ZNF85: variants seen among roughly 807,000 people sequenced by gnomAD.
ZNF85 encodes the protein zinc finger protein 85 (HPF4, HTF1).
Under a neutral mutation model 53.9 loss-of-function variants are expected in ZNF85, and 50 were observed. The ratio of observed to expected loss-of-function variants is 0.93; its 90% CI spans 0.74 to 1.17. The LOEUF (loss-of-function observed/expected upper bound fraction) is 1.17. Ranked by LOEUF, ZNF85 falls within the 50% of genes most tolerant of loss-of-function variation. The pLI is 0.00. For missense variants in ZNF85, 747 were observed against 688.5 expected, an observed-to-expected ratio of 1.08 and a Z score of -0.95; for synonymous variants, 225 against 226.1, an observed-to-expected ratio of 1.00 and a Z score of 0.04.
Position 20,934,992 on chromosome 19 carries a change from A to G in ZNF85, c.174A>G (p.Gln58=). The G allele has an allele frequency of 6.2e-7, 1 of 1,611,664 alleles. No individual in the cohort carries two copies. The highest frequency in any genetic ancestry group is 1.1e-5 in the South Asian group (1 of 90,530). The part of the protein sequence containing the change: ...SKPDLITCLE[Q]GKEAWSMKRH... The stretch of plus-strand genomic sequence containing the variant: ...CAGACCTGATCACTTGTCTGGAGCA[A>G]GGGAAAGAGGCCTGGAGTATGAAGA... Residue 58 remains glutamine (Q), a synonymous_variant, in exon 3 of 4, where the codon CAA becomes CAG. Transcript: ENST00000328178.
Position 20,938,880 on chromosome 19 carries a change from ATATATG to A in ZNF85, c.229+3835_229+3840del, listed in dbSNP as rs1444214833. The stretch of plus-strand genomic sequence containing the variant: ...TGTGTGTGTGTGTGTGTGTGTGTAT[ATATATG>A]TGTGTGTGTGTGTGTGTATTTTATT... On this transcript the variant is annotated intron_variant, in intron 3 of 3. Transcript: ENST00000328178. Among the ~76,000 whole-genome samples the A allele has an allele frequency of 1.1e-4, 14 of 132,970 alleles. No homozygotes were observed. In the South Asian group the frequency reaches 2.0e-3, roughly 19 times the overall value. The allele number at this position is 132,970 out of a possible 152,430, so 87.2% of individuals were successfully genotyped here.
At position 20,923,337 on chromosome 19, in the gene ZNF85, C is replaced by T. The variant is rs537146330; in HGVS notation, c.-64C>T. 7.4e-6 allele frequency: 12 copies of T among 1,612,538 alleles called. No individual in the cohort carries two copies. The highest frequency in any genetic ancestry group is 1.7e-5 in the Admixed American group (1 of 59,986). ...CTCGTGGACGCCCAGCCTCTGTGGC[C>T]CTGTGGCCTGCAGGTATTGGGAGAT... On this transcript the variant is annotated 5_prime_UTR_variant, in exon 1 of 4. Coordinates refer to ENST00000328178, the MANE Select transcript of ZNF85 (RefSeq NM_003429.5).
intron 3 of ZNF85, among the ~76,000 whole-genome samples, chr19:20,935,299 C>T (rs1200106201): frequency 2.6e-5 from 4 of 152,110 alleles, no homozygotes; most frequent in Non-Finnish European, 5.9e-5. Flanking sequence ...AAGTCCTCTT[C>T]GTGGCATATA....
intron 3 of ZNF85, chr19:20,943,567 A>G (rs1973351797): frequency 6.6e-6 from 1 of 152,158 alleles, no homozygotes; most frequent in Non-Finnish European, 1.5e-5. Context: ...CTTTTTATTT[A>G]TAAATTATCC....
At chr19:20,940,865 A>T (rs1308260164) in intron 3 of ZNF85, among the ~76,000 whole-genome samples, 1 of 152,206 alleles carries the variant, frequency 6.6e-6, no homozygotes, top group East Asian at 1.9e-4. Flanking sequence ...ATTTCATTAT[A>T]TGTATATGTT....
At chr19:20,927,087 T>A (rs1874921239) in intron 1 of ZNF85, 1 of 152,152 alleles carries the variant, frequency 6.6e-6, no homozygotes, top group Non-Finnish European at 1.5e-5. Flanking sequence ...AATGGGGTTG[T>A]ATGTTGACTC....
In ZNF85 at chr19:20,949,802, G is replaced by T; in HGVS notation, c.1288G>T (p.Glu430Ter). Residue 430 changes from glutamate (E) to a stop codon, truncating the protein, a stop_gained, in exon 4 of 4, where the codon GAA (glutamate) becomes TAA (stop). Transcript: ENST00000328178. LOFTEE classifies it high-confidence loss of function. ...TGGAGAGAAGCCTTACAAATGTAAAGAATGTGAAAAAGCTTTTAACCAATC... is the reference window on the plus strand; with the variant it reads ...TGGAGAGAAGCCTTACAAATGTAAATAATGTGAAAAAGCTTTTAACCAATC... ...HTGEKPYKCK[E>*]CEKAFNQSSK... 1 of 1,611,646 alleles carries T rather than the reference G, an allele frequency of 6.2e-7. No individual in the cohort carries two copies.
In ZNF85 at chr19:20,950,393, C is replaced by G. The variant is rs555745788; in HGVS notation, c.*91C>G. 2.1e-6 allele frequency: 2 copies of G among 940,166 alleles called. No individual in the cohort carries two copies. The highest frequency in any genetic ancestry group is 2.4e-5 in the South Asian group (1 of 42,464). The allele number at this position is 940,166 out of a possible 1,614,324, so 58.2% of individuals were successfully genotyped here. A position where few individuals can be genotyped will look rare whatever the true frequency, so the allele number is the denominator to read the frequency against. On this transcript the variant is annotated 3_prime_UTR_variant, in exon 4 of 4. Transcript: ENST00000328178. The stretch of plus-strand genomic sequence containing the variant: ...GAAACTACTAACCTGAAAGATGTGA[C>G]AATAATTTTGACAACACCTCAGACT...
At chr19:20,927,494 C>G (rs1364461142) in intron 1 of ZNF85, 1 of 144,738 alleles carries the variant, frequency 6.9e-6, no homozygotes, top group Admixed American at 6.8e-5. Flanking sequence ...AAGACAAATT[C>G]AGCTCATTTT....
At chr19:20,933,955 TTATGTGTGTGTGTG>T (rs1367469391) in intron 1 of ZNF85, 55 bp from the exon 2 acceptor site, 9 of 1,304,264 alleles carry the variant, frequency 6.9e-6, no homozygotes, top group African/African-American at 1.7e-5. Flanking sequence ...CAGTTGGTAA[TTATGTGTGTGTGTG>T]TGTGTGTGTG....
intron 1 of ZNF85, chr19:20,928,314 A>T (rs771090836): frequency 6.6e-6 from 1 of 152,234 alleles, no homozygotes; most frequent in East Asian, 1.9e-4. Context: ...AGCAAACTCT[A>T]TAGATTTGAT....
At position 20,949,066 on chromosome 19, in the gene ZNF85, C is replaced by A. The variant is rs769513308; in HGVS notation, c.552C>A (p.Gly184=). 2 of 1,613,784 alleles carry A rather than the reference C, an allele frequency of 1.2e-6. No individual in the cohort carries two copies. The highest frequency in any genetic ancestry group is 8.5e-7 in the Non-Finnish European group (1 of 1,179,788). Residue 184 remains glycine, a synonymous_variant, in exon 4 of 4, where the codon GGC becomes GGA. Coordinates refer to ENST00000328178, the MANE Select transcript of ZNF85 (RefSeq NM_003429.5). ...FKCTKCGKSF[G]MISCLTEHSR... is the part of the protein sequence containing the mutation. ...GTACAAAATGTGGCAAATCATTTGG[C>A]ATGATTTCATGCCTAACTGAACATA...
At chr19:20,946,962 T>TA (rs1973436738) in intron 3 of ZNF85, among the ~76,000 whole-genome samples, 1 of 150,562 alleles carries the variant, frequency 6.6e-6, no homozygotes, top group African/African-American at 2.4e-5. Flanking sequence ...GAAACAGACT[T>TA]ACAAATGTTA....
chr19:20,949,763 A>G lies in ZNF85; in HGVS notation c.1249A>G (p.Lys417Glu). 1 of 1,611,806 alleles carries G rather than the reference A, an allele frequency of 6.2e-7. No individual in the cohort carries two copies. The highest frequency in any genetic ancestry group is 8.5e-7 in the Non-Finnish European group (1 of 1,179,026). The part of the protein sequence containing the change: ...FKHSSTLTKH[K>E]IIHTGEKPYK... ...ACACTCTTCAACCCTTACTAAACAT[A>G]AGATAATTCATACTGGAGAGAAGCC... The change falls in exon 4 of 4, where the codon AAG becomes GAG. Residue 417 changes from lysine (K) to glutamate (E), a missense_variant. Lys to Glu is a moderately conservative substitution (Grantham distance 56). Coordinates refer to ENST00000328178, the MANE Select transcript of ZNF85 (RefSeq NM_003429.5).
chr19:20,942,689 A>T, intron 3 of ZNF85: 2 of 573,600 alleles, frequency 3.5e-6, no homozygotes, highest in Admixed American at 3.2e-5. Flanking sequence ...TGGATTTTCC[A>T]GTTTTGCTTT....
chr19:20,940,494 G>A (rs1973269894), intron 3 of ZNF85, among the ~76,000 whole-genome samples: 1 of 151,972 alleles, frequency 6.6e-6, no homozygotes, highest in Non-Finnish European at 1.5e-5. Flanking sequence ...CCATAATTGT[G>A]CCACTGCACT....
At chr19:20,931,562 GTTTGGA>G in intron 1 of ZNF85, among the ~76,000 whole-genome samples, 1 of 148,776 alleles carries the variant, frequency 6.7e-6, no homozygotes, top group East Asian at 2.0e-4. Flanking sequence ...GACTGTTTCT[GTTTGGA>G]TTTGGTAGGG....
rs777297228 is a variant in ZNF85, at chr19:20,949,499, C to G, written c.985C>G (p.Leu329Val). Residue 329 changes from leucine (L) to valine (V), a missense_variant, in exon 4 of 4, where the codon CTT becomes GTT. Transcript: ENST00000328178. ...CGKAFKQSSN[L>V]TTHKIIHTGE... ...CAAAGCCTTTAAGCAGTCCTCAAAC[C>G]TTACTACACATAAGATAATTCATAC... 3.1e-6 allele frequency: 5 copies of G among 1,613,280 alleles called. No homozygotes were observed. In the South Asian group the frequency reaches 4.4e-5, roughly 14 times the overall value.
intron 3 of ZNF85, among the ~76,000 whole-genome samples, chr19:20,947,822 G>A (rs532712812): frequency 1.3e-5 from 2 of 150,874 alleles, no homozygotes; most frequent in Non-Finnish European, 3.0e-5. Context: ...TAATATTTTT[G>A]TTGTTATCCT....
Sources: allele counts gnomAD v4.1 joint callset (sites outside exome capture counted in the v4.1 genomes callset), GRCh38; gene constraint gnomAD v4.1.1; transcripts MANE v1.5; gene names NCBI Gene and HGNC (gene_info 2026-07-23, HGNC 2026-07-21).